Variants in EFHC2 observed in about 807,000 individuals in gnomAD.
EFHC2 encodes EF-hand domain-containing family member C2.
In EFHC2, 18 loss-of-function variants were observed where a neutral mutation model predicts 52.7. The observed-to-expected ratio is 0.34, with a 90% CI of 0.24 to 0.51. The LOEUF is 0.51. Ranked by LOEUF, EFHC2 falls within the 20% of genes least tolerant of loss-of-function variation. The probability of loss-of-function intolerance (pLI) is 0.97; values close to 1 mark genes in which losing one functional copy is unlikely to be tolerated. For missense variants in EFHC2, 513 were observed against 562.5 expected (o/e 0.91, Z 0.89); for synonymous variants, 203 against 204.1 (o/e 0.99, Z 0.04).
intron 2 of EFHC2, among the ~76,000 whole-genome samples, chrX:44,297,728 C>CA (rs761598774): frequency 0.03 from 1,245 of 41,110 alleles, 42 homozygotes; most frequent in African/African-American, 0.083. Context: ...GACTCCATCT[C>CA]AAAAAAAAAA....
chrX:44,289,704 C>CA (rs1344285887), intron 2 of EFHC2, among the ~76,000 whole-genome samples: 1 of 72,880 alleles, frequency 1.4e-5, no homozygotes, highest in Non-Finnish European at 2.4e-5. Flanking sequence ...TTTTTTGAGA[C>CA]AGAGACTCAC....
At chrX:44,250,529 A>C (rs2037434536) in intron 4 of EFHC2, 84 bp from the exon 5 acceptor site, 1 of 1,037,988 alleles carries the variant, frequency 9.6e-7, no homozygotes, top group African/African-American at 1.9e-5. Context: ...ACAAATATAT[A>C]AAGATATATT....
At chrX:44,283,485 C>G (rs1253042946) in intron 2 of EFHC2, among the ~76,000 whole-genome samples, 1 of 110,279 alleles carries the variant, frequency 9.1e-6, no homozygotes, top group Non-Finnish European at 1.9e-5. Flanking sequence ...CACGGCCGAT[C>G]GGAAGCACTT....
intron 2 of EFHC2, among the ~76,000 whole-genome samples, chrX:44,302,707 TAAA>T (rs1328471496): frequency 2.7e-5 from 3 of 112,128 alleles, no homozygotes; most frequent in African/African-American, 9.7e-5. Flanking sequence ...AACATGGGAT[TAAA>T]ACGGCAAATG....
At chrX:44,186,338 T>C (rs1024847419) in intron 11 of EFHC2, among the ~76,000 whole-genome samples, 16 of 112,242 alleles carry the variant, frequency 1.4e-4, no homozygotes, top group African/African-American at 4.5e-4. Context: ...GTGGGTTTTT[T>C]AGTTTTGTTT....
chrX:44,236,820 G>T (rs978682419), intron 8 of EFHC2, among the ~76,000 whole-genome samples: 2 of 111,183 alleles, frequency 1.8e-5, no homozygotes, highest in Non-Finnish European at 3.8e-5. Context: ...GTATATAATT[G>T]GATTTATATG....
chrX:44,235,748 T>A (rs1182560258), intron 8 of EFHC2, among the ~76,000 whole-genome samples: 1 of 112,558 alleles, frequency 8.9e-6, no homozygotes, highest in Non-Finnish European at 1.9e-5. Context: ...TGTTCTCTAA[T>A]GACAAGGCTA....
Position 44,261,166 on chromosome X carries a change from G to A in EFHC2, c.515C>T (p.Ala172Val). The change falls in exon 4 of 15, where the codon GCA (alanine) becomes GTA (valine). Residue 172 changes from alanine to valine, a missense_variant. Coordinates refer to ENST00000420999, the MANE Select transcript of EFHC2 (RefSeq NM_025184.4). ...GRTFKIYDCD[A>V]FTRNFLRKIG... ...TTTCCTCAAAAAGTTTCTTGTGAAT[G>A]CATCACAGTCATAAATCTTGAATGT... The A allele has an allele frequency of 8.3e-7, 1 of 1,210,536 alleles. No individual in the cohort carries two copies. Among genetic ancestry groups the A allele is most frequent in the African/African-American group, 1.7e-5 (1 of 57,795 alleles).
intron 14 of EFHC2, among the ~76,000 whole-genome samples, chrX:44,155,998 C>T (rs1653034272): frequency 8.9e-6 from 1 of 112,412 alleles, no homozygotes; most frequent in Admixed American, 9.4e-5. Flanking sequence ...TCCCCTTTCC[C>T]TAGACAAAGC....
chrX:44,262,833 T>A (rs755948552), intron 3 of EFHC2, among the ~76,000 whole-genome samples: 1 of 111,724 alleles, frequency 9.0e-6, no homozygotes, highest in Admixed American at 9.5e-5. Context: ...ACCCTTAGCT[T>A]AGGGAACCCA....
Position 44,210,159 on chromosome X carries a change from G to A in EFHC2, c.1751+19490C>T, listed in dbSNP as rs762502918. Among the ~76,000 whole-genome samples the A allele has an allele frequency of 7.2e-5, 8 of 111,537 alleles. No individual in the cohort carries two copies. In the East Asian group the frequency reaches 1.4e-3, roughly 20 times the overall value. ...GAAACCGGCCCCTGGTGCCAAAAAG[G>A]TTGAGGACCACTGTTATAAAGCATT... On this transcript the variant is annotated intron_variant, in intron 11 of 14. Coordinates refer to ENST00000420999, the MANE Select transcript of EFHC2 (RefSeq NM_025184.4).
chrX:44,258,712 C>T (rs1471610300), intron 4 of EFHC2, among the ~76,000 whole-genome samples: 2 of 109,756 alleles, frequency 1.8e-5, no homozygotes, highest in Admixed American at 2.0e-4. Context: ...AAAAAATTAG[C>T]CGGGTGTGGT....
intron 3 of EFHC2, among the ~76,000 whole-genome samples, chrX:44,266,856 A>G (rs2037582065): frequency 9.0e-6 from 1 of 111,370 alleles, no homozygotes; most frequent in South Asian, 3.8e-4. Flanking sequence ...TTGTGTGATT[A>G]CATTTGCCTG....
intron 13 of EFHC2, among the ~76,000 whole-genome samples, chrX:44,167,861 T>C (rs1471496328): frequency 1.8e-5 from 2 of 111,903 alleles, no homozygotes; most frequent in Non-Finnish European, 3.8e-5. Context: ...GGGAAGTAGA[T>C]AGGGTTGCAG....
chrX:44,280,030 T>TACAC lies in EFHC2; in HGVS notation c.232-7198_232-7195dup, dbSNP rs766337222. Among the ~76,000 whole-genome samples the TACAC allele has an allele frequency of 8.9e-3, 597 of 66,815 alleles. 13 individuals carry two copies. The highest frequency in any genetic ancestry group is 0.025 in the African/African-American group (404 of 16,400). The allele number at this position is 66,815 out of a possible 115,157, so 58.0% of individuals were successfully genotyped here. A position where few individuals can be genotyped will look rare whatever the true frequency, so the allele number is the denominator to read the frequency against. On this transcript the variant is annotated intron_variant, in intron 2 of 14. Transcript: ENST00000420999. ...CGCCACAGACATCCACCATCCCCCA[T>TACAC]ACACACACACACACACACACACACA... is the stretch of plus-strand genomic sequence containing the variant.
At chrX:44,233,207 T>C (rs1028668310) in intron 9 of EFHC2, among the ~76,000 whole-genome samples, 1 of 111,394 alleles carries the variant, frequency 9.0e-6, no homozygotes, top group Non-Finnish European at 1.9e-5. Flanking sequence ...AATTCCTCAC[T>C]TGTGCTTATT....
intron 11 of EFHC2, among the ~76,000 whole-genome samples, chrX:44,217,692 G>A (rs765141396): frequency 9.0e-6 from 1 of 110,870 alleles, no homozygotes; most frequent in South Asian, 3.9e-4. Flanking sequence ...TATCAGAGAG[G>A]CTAGAAAGGG....
intron 10 of EFHC2, among the ~76,000 whole-genome samples, chrX:44,230,289 C>T (rs2037266190): frequency 8.9e-6 from 1 of 111,889 alleles, no homozygotes; most frequent in Admixed American, 9.5e-5. Context: ...CTGGGCCGTC[C>T]ACTGTTCCTG....
intron 11 of EFHC2, among the ~76,000 whole-genome samples, chrX:44,200,010 A>G (rs959296256): frequency 1.8e-5 from 2 of 111,947 alleles, no homozygotes; most frequent in African/African-American, 6.5e-5. Context: ...GGATCCTGGG[A>G]CAGAAAAATG....
Sources: allele counts gnomAD v4.1 joint callset (sites outside exome capture counted in the v4.1 genomes callset), GRCh38; gene constraint gnomAD v4.1.1; transcripts MANE v1.5; gene names NCBI Gene and HGNC (gene_info 2026-07-23, HGNC 2026-07-21).